Variants in DCAF16 observed in about 807,000 individuals in gnomAD.
DCAF16 encodes DDB1 and CUL4 associated factor 16.
Under a neutral mutation model 17.3 loss-of-function variants are expected in DCAF16, and 10 were observed. That is an observed-to-expected ratio of 0.58 (90% CI 0.36 to 0.98). The LOEUF (loss-of-function observed/expected upper bound fraction) is 0.98, where lower values mean the gene tolerates loss of function less well. Ranked by LOEUF, DCAF16 falls within the 50% of genes least tolerant of loss-of-function variation. DCAF16 has a pLI of 0.01. For missense variants in DCAF16, 249 were observed against 247.6 expected, an observed-to-expected ratio of 1.01 and a Z score of -0.04; for synonymous variants, 111 against 92.8, an observed-to-expected ratio of 1.20 and a Z score of -1.12.
chr4:17,808,705 C>G (rs1209598905), intron 1 of DCAF16, among the ~76,000 whole-genome samples: 3 of 152,072 alleles, frequency 2.0e-5, no homozygotes, highest in African/African-American at 7.2e-5. Flanking sequence ...TGTGATGTCT[C>G]TGTTGGTGAG....
At chr4:17,806,346 A>T (rs924668324) in intron 1 of DCAF16, among the ~76,000 whole-genome samples, 23 of 152,322 alleles carry the variant, frequency 1.5e-4, no homozygotes, top group African/African-American at 5.1e-4. Flanking sequence ...GGATTAAGTT[A>T]CGTGATCAAA....
In DCAF16 at chr4:17,803,785, A is replaced by G. The variant is rs1560210740; in HGVS notation, c.357T>C (p.Cys119=). The change falls in exon 3 of 3, where the codon TGT becomes TGC. Residue 119 remains cysteine, a synonymous_variant. Transcript: ENST00000382247. ...PIPEWPPLAS[C]GVPPFQKPLT... is the part of the protein sequence containing the mutation. ...GAGGCTTTTGAAAAGGTGGGACTCCACAAGAGGCCAGAGGGGGCCATTCAG... is the reference window on the plus strand; with the variant it reads ...GAGGCTTTTGAAAAGGTGGGACTCCGCAAGAGGCCAGAGGGGGCCATTCAG... 3.7e-6 allele frequency: 6 copies of G among 1,614,206 alleles called. No homozygotes were observed. The South Asian group carries it at 6.6e-5, about 18-fold the overall frequency.
chr4:17,802,172 C>G lies in DCAF16; in HGVS notation c.*1319G>C, dbSNP rs1719853997. 1 of 151,832 alleles carries G rather than the reference C, an allele frequency of 6.6e-6. No individual in the cohort carries two copies. The highest frequency in any genetic ancestry group is 2.1e-4 in the South Asian group (1 of 4,800). The allele number at this position is 151,832 out of a possible 1,614,324, so 9.4% of individuals were successfully genotyped here. The stretch of plus-strand genomic sequence containing the variant: ...GCAATGGATGTGGAAAGTACTTGAG[C>G]TTTTACTCCAGGAAATGCTATACAG... On this transcript the variant is annotated 3_prime_UTR_variant, in exon 3 of 3. Coordinates refer to ENST00000382247, the MANE Select transcript of DCAF16 (RefSeq NM_017741.4).
At position 17,803,028 on chromosome 4, in the gene DCAF16, TCC is replaced by T. The variant is rs1202870862; in HGVS notation, c.*461_*462del. On this transcript the variant is annotated 3_prime_UTR_variant, in exon 3 of 3. Transcript: ENST00000382247. ...GTAATATGGTCCCCTTAACTAATTC[TCC>T]TTTTTTTTTTTTGAGACTGAGTCTC... 6.4e-6 allele frequency: 1 copy of T among 155,116 alleles called. No homozygotes were observed. The highest frequency in any genetic ancestry group is 1.4e-5 in the Non-Finnish European group (1 of 70,540). The allele number at this position is 155,116 out of a possible 1,614,324, so 9.6% of individuals were successfully genotyped here. A position where few individuals can be genotyped will look rare whatever the true frequency, so the allele number is the denominator to read the frequency against.
At chr4:17,798,353 C>T (rs994422533), downstream of DCAF16, among the ~76,000 whole-genome samples, 1 of 145,360 alleles carries the variant, frequency 6.9e-6, no homozygotes, top group Admixed American at 7.0e-5. Flanking sequence ...CAGTGTAACA[C>T]CAGCACTTTG....
chr4:17,808,441 A>AT (rs960224220), intron 1 of DCAF16, among the ~76,000 whole-genome samples: 2 of 152,144 alleles, frequency 1.3e-5, no homozygotes, highest in African/African-American at 2.4e-5. Flanking sequence ...CTTTCCCATA[A>AT]TTGTTTTTGT....
In DCAF16 at chr4:17,803,433, AC is replaced by A; in HGVS notation, c.*57del. 1 of 1,515,702 alleles carries A rather than the reference AC, an allele frequency of 6.6e-7. No homozygotes were observed. The highest frequency in any genetic ancestry group is 9.1e-7 in the Non-Finnish European group (1 of 1,103,806). 93.9% of individuals were successfully genotyped at this position (1,515,702 alleles called of 1,614,324 possible). ...GCATTAGTGGGCTGTGTAATGACTAACTTTGTACCACTTTCTCAATTAGCAA... is the reference window on the plus strand; with the variant it reads ...GCATTAGTGGGCTGTGTAATGACTAATTTGTACCACTTTCTCAATTAGCAA... On this transcript the variant is annotated 3_prime_UTR_variant, in exon 3 of 3. Transcript: ENST00000382247.
chr4:17,807,602 C>T (rs1030983226), intron 1 of DCAF16, among the ~76,000 whole-genome samples: 6 of 152,166 alleles, frequency 3.9e-5, no homozygotes, highest in Non-Finnish European at 5.9e-5. Flanking sequence ...CCCGTATGAA[C>T]AACATGTATG....
the DCAF16 span, among the ~76,000 whole-genome samples, chr4:17,794,939 G>A: frequency 6.6e-6 from 1 of 152,136 alleles, no homozygotes; most frequent in East Asian, 1.9e-4. Context: ...ACTTGACACA[G>A]TAGTCATCCT....
At chr4:17,799,101 C>G (rs1049398365), downstream of DCAF16, among the ~76,000 whole-genome samples, 3 of 152,158 alleles carry the variant, frequency 2.0e-5, no homozygotes, top group African/African-American at 7.2e-5. Flanking sequence ...TGTGCCACTA[C>G]CTTGTGATTA....
the DCAF16 span, among the ~76,000 whole-genome samples, chr4:17,794,733 A>G: frequency 6.6e-6 from 1 of 152,194 alleles, no homozygotes; most frequent in Non-Finnish European, 1.5e-5. Context: ...GTAAGGACCA[A>G]TCTAATTATA....
chr4:17,799,838 C>T (rs566014873), downstream of DCAF16, among the ~76,000 whole-genome samples: 2 of 152,088 alleles, frequency 1.3e-5, no homozygotes, highest in Admixed American at 6.5e-5. Flanking sequence ...CTCAAGGTAT[C>T]TGGACTGTTT....
rs1205186598 is a variant in DCAF16 at position 17,803,639 on chromosome 4, T to C, written c.503A>G (p.Gln168Arg). 2 of 1,614,220 alleles carry C rather than the reference T, an allele frequency of 1.2e-6. No individual in the cohort carries two copies. Among genetic ancestry groups the C allele is most frequent in the South Asian group, 2.2e-5 (2 of 91,084 alleles). Residue 168 changes from glutamine (Q) to arginine (R), a missense_variant, in exon 3 of 3, where the codon CAG becomes CGG. Coordinates refer to ENST00000382247, the MANE Select transcript of DCAF16 (RefSeq NM_017741.4). ...RATPIPEYLK[Q>R]IPNSCVSGCC... ...CCCAGAAACACATGAATTAGGGATC[T>C]GTTTTAGGTATTCAGGTATGGGAGT... is the stretch of plus-strand genomic sequence containing the variant.
Position 17,804,060 on chromosome 4 carries a change from T to G in DCAF16, c.82A>C (p.Ser28Arg). 6.2e-7 allele frequency: 1 copy of G among 1,614,140 alleles called. No homozygotes were observed. The highest frequency in any genetic ancestry group is 8.5e-7 in the Non-Finnish European group (1 of 1,180,002). Reference protein sequence around the residue: ...EEENISYLNESSGEEWDSSEE... With the variant: ...EEENISYLNERSGEEWDSSEE... Reference sequence around the variant, plus strand: ...GAGGAATCCCACTCTTCCCCAGAACTCTCATTTAGGTAACTAATATTTTCT... The same window carrying G: ...GAGGAATCCCACTCTTCCCCAGAACGCTCATTTAGGTAACTAATATTTTCT... The change falls in exon 3 of 3, where the codon AGT (serine) becomes CGT (arginine). Residue 28 changes from serine to arginine, a missense_variant. Physicochemically the swap from Ser to Arg is moderately radical, Grantham distance 110. Coordinates refer to ENST00000382247, the MANE Select transcript of DCAF16 (RefSeq NM_017741.4).
chr4:17,806,558 T>C (rs1353456419), intron 1 of DCAF16, among the ~76,000 whole-genome samples: 1 of 152,150 alleles, frequency 6.6e-6, no homozygotes, highest in Non-Finnish European at 1.5e-5. Context: ...TAATAAACAA[T>C]ATAGATGATA....
chr4:17,796,888 T>C (rs1490043357), downstream of DCAF16, among the ~76,000 whole-genome samples: 1 of 152,250 alleles, frequency 6.6e-6, no homozygotes, highest in African/African-American at 2.4e-5. Context: ...TTCTAAGAAA[T>C]AAATAAATAA....
At chr4:17,807,959 A>G (rs1383743629) in intron 1 of DCAF16, among the ~76,000 whole-genome samples, 1 of 152,190 alleles carries the variant, frequency 6.6e-6, no homozygotes, top group Non-Finnish European at 1.5e-5. Context: ...TCTGGCATAT[A>G]TGAGTGGCTC....
chr4:17,803,512 TTTG>T lies in DCAF16; in HGVS notation c.627_629del (p.Asn209del), dbSNP rs1560209819. ...ATCTTTACAGTGATGCAGTTAGGAG[TTTG>T]TTAACTGCCTTTTGGAAGTCAGTGT... is the stretch of plus-strand genomic sequence containing the variant. On this transcript the variant is annotated inframe_deletion, in exon 3 of 3. Transcript: ENST00000382247. The T allele has an allele frequency of 6.2e-7, 1 of 1,613,868 alleles. No homozygotes were observed. The highest frequency in any genetic ancestry group is 2.2e-5 in the East Asian group (1 of 44,882).
chr4:17,803,781 C>G lies in DCAF16; in HGVS notation c.361G>C (p.Val121Leu). The change falls in exon 3 of 3, where the codon GTC becomes CTC. Residue 121 changes from valine to leucine, a missense_variant. Physicochemically the swap from Val to Leu is conservative, Grantham distance 32. Coordinates refer to ENST00000382247, the MANE Select transcript of DCAF16 (RefSeq NM_017741.4). ...PEWPPLASCG[V>L]PPFQKPLTSP... ...GTAAGAGGCTTTTGAAAAGGTGGGA[C>G]TCCACAAGAGGCCAGAGGGGGCCAT... 1 of 1,614,134 alleles carries G rather than the reference C, an allele frequency of 6.2e-7. No individual in the cohort carries two copies. The highest frequency in any genetic ancestry group is 1.3e-5 in the African/African-American group (1 of 75,026).
Sources: allele counts gnomAD v4.1 joint callset (sites outside exome capture counted in the v4.1 genomes callset), GRCh38; gene constraint gnomAD v4.1.1; transcripts MANE v1.5; gene names NCBI Gene and HGNC (gene_info 2026-07-23, HGNC 2026-07-21).